TSPAN9: variants seen among roughly 807,000 people sequenced by gnomAD.
The protein encoded by TSPAN9 is tetraspanin-9.
A neutral mutation model predicts 31.0 loss-of-function variants in TSPAN9; 16 were observed. The ratio of observed to expected loss-of-function variants is 0.52; its 90% CI spans 0.35 to 0.78. TSPAN9 has a LOEUF of 0.78. Ranked by LOEUF, TSPAN9 falls within the 30% of genes least tolerant of loss-of-function variation. The probability of loss-of-function intolerance (pLI) is 0.01; values close to 1 mark genes in which losing one functional copy is unlikely to be tolerated. For synonymous variants in TSPAN9, 145 were observed against 121.6 expected (o/e 1.19, Z -1.27); for missense variants, 272 against 312.5 (o/e 0.87, Z 0.98).
At chr12:3,216,391 A>G (rs1191966239) in intron 3 of TSPAN9, among the ~76,000 whole-genome samples, 2 of 151,998 alleles carry the variant, frequency 1.3e-5, no homozygotes, top group Non-Finnish European at 2.9e-5. Flanking sequence ...GAGATGTCCA[A>G]GCTCACACTG....
In TSPAN9 at chr12:3,187,430, C is replaced by T. The variant is rs1565606802; in HGVS notation, c.-17-13747C>T. 6.6e-6 allele frequency among the ~76,000 whole-genome samples: 1 copy of T among 152,178 alleles called. No homozygotes were observed. Among genetic ancestry groups the T allele is most frequent in the East Asian group, 1.9e-4 (1 of 5,200 alleles). ...GTGTATGTCCAGGAGTGGCCAGCTT[C>T]GTCCATAAAAGCAGGGCCCAGCACT... On this transcript the variant is annotated intron_variant, in intron 2 of 8. Coordinates refer to ENST00000011898, the MANE Select transcript of TSPAN9 (RefSeq NM_006675.5). The surrounding 1 kb of genome is among the most constrained non-coding windows in gnomAD (Gnocchi z 5.2).
chr12:3,143,562 A>T lies in TSPAN9; in HGVS notation c.-17-57615A>T, dbSNP rs2098335844. On this transcript the variant is annotated intron_variant, in intron 2 of 8. Coordinates refer to ENST00000011898, the MANE Select transcript of TSPAN9 (RefSeq NM_006675.5). The surrounding 1 kb of genome is among the most constrained non-coding windows in gnomAD (Gnocchi z 4.2). ...TATTTTTATCATTACAGACTCATGG[A>T]TATTTATTTACTTCACAGATAAAAA... Among the ~76,000 whole-genome samples, 1 of 152,140 alleles carries T rather than the reference A, an allele frequency of 6.6e-6. No individual in the cohort carries two copies. Among genetic ancestry groups the T allele is most frequent in the Admixed American group, 6.6e-5 (1 of 15,258 alleles).
rs772375322 is a variant in TSPAN9, at chr12:3,184,070, C to T, written c.-17-17107C>T. Among the ~76,000 whole-genome samples the T allele has an allele frequency of 7.9e-5, 12 of 152,206 alleles. No individual in the cohort carries two copies. The South Asian group carries it at 8.3e-4, about 11-fold the overall frequency. On this transcript the variant is annotated intron_variant, in intron 2 of 8. Transcript: ENST00000011898. The stretch of plus-strand genomic sequence containing the variant: ...GAGAAGTAGACCAAATGATCTCTGA[C>T]GGCCCATAGCTTCTGGGATCTTCCT...
At chr12:3,109,291 T>A (rs1376183377) in intron 2 of TSPAN9, among the ~76,000 whole-genome samples, 4 of 120,782 alleles carry the variant, frequency 3.3e-5, no homozygotes, top group Admixed American at 3.1e-4. Context: ...TGTGTGTGTG[T>A]GTGTGTGTGA....
rs2098364717 is a variant in TSPAN9 at position 3,192,110 on chromosome 12, A to G, written c.-17-9067A>G. ...TGTGGCAATAATGGGTGAGCAGAGAATGTTGGACGGGGGCTGGAGAGAAAG... is the reference window on the plus strand; with the variant it reads ...TGTGGCAATAATGGGTGAGCAGAGAGTGTTGGACGGGGGCTGGAGAGAAAG... On this transcript the variant is annotated intron_variant, in intron 2 of 8. Transcript: ENST00000011898. The surrounding 1 kb of genome is among the most constrained non-coding windows in gnomAD (Gnocchi z 4.6). 6.6e-6 allele frequency among the ~76,000 whole-genome samples: 1 copy of G among 152,066 alleles called. No individual in the cohort carries two copies. Among genetic ancestry groups the G allele is most frequent in the Admixed American group, 6.6e-5 (1 of 15,266 alleles).
At chr12:3,125,509 A>G (rs903791842) in intron 2 of TSPAN9, among the ~76,000 whole-genome samples, 1 of 152,216 alleles carries the variant, frequency 6.6e-6, no homozygotes, top group Non-Finnish European at 1.5e-5. Context: ...TTTTTAAAAA[A>G]TAGGTACTGT....
chr12:3,228,037 A>C (rs1330017290), intron 3 of TSPAN9, among the ~76,000 whole-genome samples: 1 of 152,146 alleles, frequency 6.6e-6, no homozygotes, highest in Non-Finnish European at 1.5e-5. Flanking sequence ...GCACTATGCT[A>C]AATGCTTTGT....
chr12:3,191,024 C>G (rs926361038), intron 2 of TSPAN9, among the ~76,000 whole-genome samples: 1 of 152,046 alleles, frequency 6.6e-6, no homozygotes, highest in Non-Finnish European at 1.5e-5. Context: ...AATGAGGCTT[C>G]CTGGAGGAGG....
At chr12:3,167,777 T>C (rs1372214058) in intron 2 of TSPAN9, among the ~76,000 whole-genome samples, 1 of 151,958 alleles carries the variant, frequency 6.6e-6, no homozygotes, top group Non-Finnish European at 1.5e-5. Flanking sequence ...GCTGACCTGG[T>C]GTGCAGGGGC....
intron 3 of TSPAN9, among the ~76,000 whole-genome samples, chr12:3,271,532 T>G (rs1487857242): frequency 1.5e-5 from 2 of 133,916 alleles, no homozygotes; most frequent in Admixed American, 7.7e-5. Context: ...CCTGGCTGAT[T>G]AGAGGTATGC....
intron 3 of TSPAN9, among the ~76,000 whole-genome samples, chr12:3,258,575 T>C (rs1862392263): frequency 6.6e-6 from 1 of 151,650 alleles, no homozygotes; most frequent in Non-Finnish European, 1.5e-5. Flanking sequence ...GAGACCACAA[T>C]GTCAGGCAAT....
intron 2 of TSPAN9, chr12:3,150,003 T>C (rs978240942): frequency 2.0e-4 from 30 of 152,308 alleles, no homozygotes; most frequent in Admixed American, 5.9e-4. Context: ...TGAACGCCCA[T>C]GGCGTGCCAG....
At chr12:3,082,972 A>G (rs2098298663) in intron 1 of TSPAN9, among the ~76,000 whole-genome samples, 1 of 152,204 alleles carries the variant, frequency 6.6e-6, no homozygotes, top group South Asian at 2.1e-4. Context: ...CTGGCATCCC[A>G]AATTTGTATC....
intron 2 of TSPAN9, among the ~76,000 whole-genome samples, chr12:3,098,366 G>A (rs1006150288): frequency 6.6e-6 from 1 of 152,186 alleles, no homozygotes; most frequent in Non-Finnish European, 1.5e-5. Context: ...TGAAGAGGGG[G>A]CAGGCTGAGG....
intron 2 of TSPAN9, among the ~76,000 whole-genome samples, chr12:3,109,268 C>CTGTGTGTG (rs1226380985): frequency 0.36 from 42,607 of 118,926 alleles, 8,013 homozygotes; most frequent in Admixed American, 0.45. Flanking sequence ...TTCATATAGT[C>CTGTGTGTG]TGTGTGTGTG....
At chr12:3,252,870 G>C (rs1175880635) in intron 3 of TSPAN9, among the ~76,000 whole-genome samples, 2 of 152,224 alleles carry the variant, frequency 1.3e-5, no homozygotes, top group Non-Finnish European at 2.9e-5. Context: ...ACATCTGTTA[G>C]GGGGAGGGGG....
At chr12:3,100,547 G>A (rs112577682) in intron 2 of TSPAN9, among the ~76,000 whole-genome samples, 7 of 152,180 alleles carry the variant, frequency 4.6e-5, no homozygotes, top group Non-Finnish European at 1.0e-4. Context: ...CCTGTTGCCC[G>A]ATGTCTGAAG....
chr12:3,120,291 C>T (rs1370632233), intron 2 of TSPAN9, among the ~76,000 whole-genome samples: 3 of 152,102 alleles, frequency 2.0e-5, no homozygotes, highest in Admixed American at 6.5e-5. Context: ...ACAACCTTGG[C>T]GTGCTCATTC....
At chr12:3,098,227 C>G (rs2098310107) in intron 2 of TSPAN9, among the ~76,000 whole-genome samples, 1 of 152,200 alleles carries the variant, frequency 6.6e-6, no homozygotes, top group Non-Finnish European at 1.5e-5. Context: ...TCCTTTCTGG[C>G]TTAAGAGTTA....
Sources: allele counts gnomAD v4.1 joint callset (sites outside exome capture counted in the v4.1 genomes callset), GRCh38; gene constraint gnomAD v4.1.1; non-coding constraint Gnocchi (gnomAD v3.1); transcripts MANE v1.5; gene names NCBI Gene and HGNC (gene_info 2026-07-23, HGNC 2026-07-21).